The following GLOD4 variants were observed in gnomAD, a reference collection of about 807,000 sequenced individuals.
GLOD4 encodes glyoxalase domain containing 4, also known as glyoxalase domain-containing protein 4.
In GLOD4, 44 loss-of-function variants were observed where a neutral mutation model predicts 39.1. The observed-to-expected ratio is 1.13, with a 90% CI of 0.88 to 1.45. The LOEUF (loss-of-function observed/expected upper bound fraction) is 1.45. GLOD4 is among the 40% of genes most tolerant of loss of function. The pLI is 0.00. For synonymous variants in GLOD4, 145 were observed against 135.0 expected, an observed-to-expected ratio of 1.07 and a Z score of -0.52; for missense variants, 405 against 366.4, an observed-to-expected ratio of 1.11 and a Z score of -0.86.
At chr17:785,018 C>A (rs1036725783), upstream of GLOD4, among the ~76,000 whole-genome samples, 1 of 152,156 alleles carries the variant, frequency 6.6e-6, no homozygotes, top group East Asian at 1.9e-4. Flanking sequence ...CTCCTGACTT[C>A]AGTCAGTAGC....
At position 771,203 on chromosome 17, in the gene GLOD4, G is replaced by T; in HGVS notation, c.543+122C>A. 6.4e-6 allele frequency: 4 copies of T among 629,796 alleles called. No homozygotes were observed. The Admixed American group carries it at 8.5e-5, about 13-fold the overall frequency. 39.0% of individuals were successfully genotyped at this position (629,796 alleles called of 1,614,324 possible). On this transcript the variant is annotated intron_variant, in intron 5 of 8. Coordinates refer to ENST00000301329, the MANE Select transcript of GLOD4 (RefSeq NM_016080.4). ...TTATCTATATAAATATTGAATCACT[G>T]TGAAGAAACTATGGGAACAACCTTC...
chr17:782,343 G>A (rs755618173), upstream of GLOD4: 13 of 1,612,410 alleles, frequency 8.1e-6, no homozygotes, highest in South Asian at 1.3e-4. Flanking sequence ...GCCGCCGACG[G>A]CGCGCTTTCG....
At chr17:775,701 G>C (rs545030100) in intron 4 of GLOD4, 74 bp downstream of exon 4, 274 of 1,257,218 alleles carry the variant, frequency 2.2e-4, no homozygotes, top group South Asian at 1.3e-3. Context: ...ACAAAAAAAA[G>C]ACAGGCAGCC....
chr17:778,034 G>C (rs1244900127), intron 2 of GLOD4, among the ~76,000 whole-genome samples: 2 of 152,170 alleles, frequency 1.3e-5, no homozygotes, highest in Admixed American at 6.5e-5. Context: ...GGGAGGTGCT[G>C]GATTGGAGCC....
At chr17:772,644 A>C (rs1420894468) in intron 4 of GLOD4, among the ~76,000 whole-genome samples, 2 of 152,180 alleles carry the variant, frequency 1.3e-5, no homozygotes, top group Admixed American at 1.3e-4. Context: ...AAAAATAGGC[A>C]AAAGGCACAA....
At chr17:777,988 C>A (rs943565019) in intron 2 of GLOD4, among the ~76,000 whole-genome samples, 3 of 152,278 alleles carry the variant, frequency 2.0e-5, no homozygotes, top group Non-Finnish European at 2.9e-5. Context: ...TAGGCTTGAA[C>A]AATGAGACTC....
chr17:776,798 C>A, intron 3 of GLOD4, 70 bp downstream of exon 3: 1 of 1,117,888 alleles, frequency 8.9e-7, no homozygotes, highest in Non-Finnish European at 1.4e-6. Context: ...ACACCCTTGG[C>A]ACTCTACTCA....
chr17:760,032 G>T lies in GLOD4; in HGVS notation c.*141C>A. 1.6e-6 allele frequency: 1 copy of T among 637,828 alleles called. No individual in the cohort carries two copies. The highest frequency in any genetic ancestry group is 1.9e-5 in the South Asian group (1 of 53,192). The allele number at this position is 637,828 out of a possible 1,614,324, so 39.5% of individuals were successfully genotyped here. A position where few individuals can be genotyped will look rare whatever the true frequency, so the allele number is the denominator to read the frequency against. Reference sequence around the variant, plus strand: ...AATTACATCAGAGCTTTCAAAGATTGAAATACACAAATCTGCACTACCCAA... The same window carrying T: ...AATTACATCAGAGCTTTCAAAGATTTAAATACACAAATCTGCACTACCCAA... On this transcript the variant is annotated 3_prime_UTR_variant, in exon 9 of 9. Coordinates refer to ENST00000301329, the MANE Select transcript of GLOD4 (RefSeq NM_016080.4).
upstream of GLOD4, chr17:783,425 C>T (rs931489622): frequency 1.0e-5 from 13 of 1,246,918 alleles, no homozygotes; most frequent in African/African-American, 1.1e-4. Flanking sequence ...CAACCTCCGC[C>T]TCTCGGGTTC....
chr17:777,197 C>A (rs188458252), intron 2 of GLOD4: 2 of 572,116 alleles, frequency 3.5e-6, no homozygotes, highest in East Asian at 2.8e-5. Flanking sequence ...CCAGCATCTA[C>A]CTGAAGGAAA....
intron 1 of GLOD4, among the ~76,000 whole-genome samples, chr17:781,562 T>C (rs993678574): frequency 3.9e-5 from 6 of 152,210 alleles, no homozygotes; most frequent in Admixed American, 3.9e-4. Context: ...TCTTCCTTAG[T>C]GGTGTGTTCC....
At chr17:761,772 G>A (rs1905482078) in intron 8 of GLOD4, among the ~76,000 whole-genome samples, 1 of 152,208 alleles carries the variant, frequency 6.6e-6, no homozygotes, top group African/African-American at 2.4e-5. Flanking sequence ...CCAAGGTGCT[G>A]GGATTACAGG....
Position 770,457 on chromosome 17 carries a change from A to C in GLOD4, c.594T>G (p.Ala198=). ...GVKGGVDHAA[A]FGRIAFSCPQ... ...GGCAAGAGAAGGCAATTCTTCCAAA[A>C]GCTGCTGCATGGTCCACCCCACCCT... Residue 198 remains alanine, a synonymous_variant, in exon 6 of 9, where the codon GCT becomes GCG. Transcript: ENST00000301329. The C allele has an allele frequency of 6.3e-7, 1 of 1,594,106 alleles. No homozygotes were observed. The highest frequency in any genetic ancestry group is 8.6e-7 in the Non-Finnish European group (1 of 1,161,660).
upstream of GLOD4, chr17:783,417 A>G (rs1423127583): frequency 3.1e-6 from 4 of 1,300,400 alleles, no homozygotes; most frequent in Admixed American, 2.7e-5. Context: ...GCCCACTGCA[A>G]CCTCCGCCTC....
chr17:780,038 C>T (rs984411438), intron 1 of GLOD4, among the ~76,000 whole-genome samples: 6 of 152,106 alleles, frequency 3.9e-5, no homozygotes, highest in African/African-American at 1.4e-4. Flanking sequence ...GTGGCGGGCG[C>T]CTGTAGTACC....
intron 4 of GLOD4, 71 bp from the exon 5 acceptor site, chr17:771,532 A>C: frequency 1.2e-6 from 1 of 820,960 alleles, no homozygotes; most frequent in South Asian, 2.0e-5. Context: ...AAACATGCGC[A>C]TGTATACTTA....
chr17:780,128 C>A (rs996906278), intron 1 of GLOD4, among the ~76,000 whole-genome samples: 34 of 152,098 alleles, frequency 2.2e-4, no homozygotes, highest in African/African-American at 8.2e-4. Flanking sequence ...TGCGCCACTG[C>A]ACTCCAGCCT....
At chr17:768,034 A>G (rs1189283994) in intron 8 of GLOD4, among the ~76,000 whole-genome samples, 1 of 150,054 alleles carries the variant, frequency 6.7e-6, no homozygotes, top group Non-Finnish European at 1.5e-5. Context: ...TTTTTAGAAG[A>G]AGAAATCTGG....
chr17:782,344 C>T (rs2144505950), upstream of GLOD4: 1 of 1,612,476 alleles, frequency 6.2e-7, no homozygotes, highest in South Asian at 1.1e-5. Context: ...CCGCCGACGG[C>T]GCGCTTTCGT....
Sources: gnomAD v4.1 joint callset for allele counts (sites outside exome capture counted in the v4.1 genomes callset) on GRCh38, gnomAD v4.1.1 for gene constraint, MANE v1.5 for transcripts, NCBI Gene and HGNC (gene_info 2026-07-23, HGNC 2026-07-21) for gene names.